TMEM43: variants seen among roughly 807,000 people sequenced by gnomAD.
TMEM43 encodes the protein transmembrane protein 43, also known as arrhythmogenic right ventricular dysplasia 5.
A neutral mutation model predicts 49.6 loss-of-function variants in TMEM43; 45 were observed. The ratio of observed to expected loss-of-function variants is 0.91; its 90% CI spans 0.71 to 1.16. The LOEUF (loss-of-function observed/expected upper bound fraction) is 1.16. Ranked by LOEUF, TMEM43 falls within the 50% of genes most tolerant of loss-of-function variation. The pLI, the probability that TMEM43 is intolerant of heterozygous loss-of-function variation, is 0.00. For missense variants in TMEM43, 532 were observed against 516.6 expected, an observed-to-expected ratio of 1.03 and a Z score of -0.29; for synonymous variants, 199 against 207.8, an observed-to-expected ratio of 0.96 and a Z score of 0.36.
chr3:14,131,702 G>A (rs1382190995), intron 4 of TMEM43, 28 bp downstream of exon 4: 1 of 1,553,358 alleles, frequency 6.4e-7, no homozygotes, highest in Non-Finnish European at 8.9e-7. Flanking sequence ...AAACTCTGTT[G>A]GGGTAAAGGA....
chr3:14,140,264 C>T (rs923655004), intron 11 of TMEM43, among the ~76,000 whole-genome samples: 2 of 152,146 alleles, frequency 1.3e-5, no homozygotes, highest in African/African-American at 4.8e-5. Context: ...TAAACGGAAT[C>T]CTCTTTCTTG....
At chr3:14,126,186 G>A (rs548885357) in intron 1 of TMEM43, among the ~76,000 whole-genome samples, 5 of 152,256 alleles carry the variant, frequency 3.3e-5, no homozygotes, top group African/African-American at 1.2e-4. Flanking sequence ...TTTGTCTCGG[G>A]TTAGTATCAT....
At chr3:14,131,377 G>A (rs1300174685) in intron 3 of TMEM43, among the ~76,000 whole-genome samples, 1 of 152,244 alleles carries the variant, frequency 6.6e-6, no homozygotes, top group Non-Finnish European at 1.5e-5. Flanking sequence ...TGTACTGTGA[G>A]GGTCACAGTC....
chr3:14,134,913 C>T (rs907418964), intron 8 of TMEM43, 22 bp downstream of exon 8: 5 of 1,613,986 alleles, frequency 3.1e-6, no homozygotes, highest in Non-Finnish European at 4.2e-6. Context: ...GGCCTGGGCT[C>T]TCCAAATAGG....
intron 1 of TMEM43, 143 bp from the exon 2 acceptor site, chr3:14,129,269 T>C (rs1695059845): frequency 1.6e-6 from 1 of 643,756 alleles, no homozygotes; most frequent in African/African-American, 2.1e-5. Flanking sequence ...AAACTGTACA[T>C]TGAATATCTG....
chr3:14,129,535 T>A lies in TMEM43; in HGVS notation c.136T>A (p.Ser46Thr), dbSNP rs145510310. The A allele has an allele frequency of 6.2e-7, 1 of 1,614,124 alleles. No homozygotes were observed. The highest frequency in any genetic ancestry group is 1.7e-5 in the Admixed American group (1 of 60,028). ...TGTGGGGCTCATGGCCTTCCTGCTC[T>A]CCTTCTACCTAATTTTCACCAATGA... ...MFVGLMAFLL[S>T]FYLIFTNEGR... The change falls in exon 2 of 12, where the codon TCC becomes ACC. Residue 46 changes from serine (S) to threonine (T), a missense_variant. By Grantham distance (58) the Ser-to-Thr change is moderately conservative. Transcript: ENST00000306077.
intron 7 of TMEM43, 81 bp from the exon 8 acceptor site, chr3:14,134,689 G>A: frequency 3.8e-6 from 6 of 1,596,158 alleles, no homozygotes; most frequent in Non-Finnish European, 5.1e-6. Context: ...GGGGTGCAGT[G>A]GAAGGGGGTC....
intron 4 of TMEM43, among the ~76,000 whole-genome samples, chr3:14,132,321 C>T (rs1695107226): frequency 6.6e-6 from 1 of 152,186 alleles, no homozygotes; most frequent in South Asian, 2.1e-4. Flanking sequence ...CAGATTTCAG[C>T]TCAGGATGGG....
At position 14,132,534 on chromosome 3, in the gene TMEM43, C is replaced by A; in HGVS notation, c.393-12C>A. On this transcript the variant is annotated splice_polypyrimidine_tract_variant and intron_variant, in intron 4 of 11. Coordinates refer to ENST00000306077, the MANE Select transcript of TMEM43 (RefSeq NM_024334.3). ...GAGGCTAACCCCCGTGGCTGCTTTGCTTTCCCTGCAGGGAGTACACCGAGG... is the reference window on the plus strand; with the variant it reads ...GAGGCTAACCCCCGTGGCTGCTTTGATTTCCCTGCAGGGAGTACACCGAGG... The A allele has an allele frequency of 6.2e-7, 1 of 1,614,160 alleles. No individual in the cohort carries two copies. The highest frequency in any genetic ancestry group is 8.5e-7 in the Non-Finnish European group (1 of 1,180,000).
intron 5 of TMEM43, 125 bp from the exon 6 acceptor site, chr3:14,132,741 C>A: frequency 2.2e-6 from 3 of 1,365,126 alleles, no homozygotes; most frequent in Non-Finnish European, 3.1e-6. Context: ...GCCCTGCTTT[C>A]CCACCCATCC....
At chr3:14,127,021 C>T (rs1268296286) in intron 1 of TMEM43, among the ~76,000 whole-genome samples, 2 of 152,146 alleles carry the variant, frequency 1.3e-5, no homozygotes, top group East Asian at 3.8e-4. Context: ...TGTCCATTTC[C>T]AGGGCCTATG....
chr3:14,134,656 G>C, intron 7 of TMEM43, 114 bp from the exon 8 acceptor site: 1 of 1,379,424 alleles, frequency 7.2e-7, no homozygotes, highest in Non-Finnish European at 1.0e-6. Context: ...CTGCAGGTGG[G>C]AGTGCCACGT....
At chr3:14,127,398 A>G (rs1185879306) in intron 1 of TMEM43, among the ~76,000 whole-genome samples, 1 of 152,084 alleles carries the variant, frequency 6.6e-6, no homozygotes, top group Non-Finnish European at 1.5e-5. Context: ...CAAGAGGAAG[A>G]CACGCCTTAT....
At position 14,142,894 on chromosome 3, in the gene TMEM43, G is replaced by A. The variant is rs1695271052; in HGVS notation, c.*1099G>A. The A allele has an allele frequency of 6.6e-6, 1 of 152,216 alleles. No individual in the cohort carries two copies. The highest frequency in any genetic ancestry group is 2.4e-5 in the African/African-American group (1 of 41,446). 9.4% of individuals were successfully genotyped at this position (152,216 alleles called of 1,614,324 possible). A position where few individuals can be genotyped will look rare whatever the true frequency, so the allele number is the denominator to read the frequency against. ...AAGGTTGGAAGCTTTATACTAAATG[G>A]GCTCCTTCATGGTGACGCCCCGTCA... On this transcript the variant is annotated 3_prime_UTR_variant, in exon 12 of 12. Coordinates refer to ENST00000306077, the MANE Select transcript of TMEM43 (RefSeq NM_024334.3).
intron 7 of TMEM43, 93 bp from the exon 8 acceptor site, chr3:14,134,677 C>G (rs1167950842): frequency 5.0e-5 from 78 of 1,561,748 alleles, no homozygotes; most frequent in Non-Finnish European, 6.4e-5. Flanking sequence ...GTGCAGGCTC[C>G]AGGGGTGCAG....
intron 8 of TMEM43, 93 bp from the exon 9 acceptor site, chr3:14,135,065 G>A: frequency 1.3e-6 from 2 of 1,484,258 alleles, no homozygotes; most frequent in South Asian, 1.1e-5. Flanking sequence ...GGAGGTGGGA[G>A]AAGAGCCTGA....
intron 1 of TMEM43, among the ~76,000 whole-genome samples, chr3:14,127,280 G>A (rs555281894): frequency 6.6e-6 from 1 of 152,220 alleles, no homozygotes; most frequent in South Asian, 2.1e-4. Flanking sequence ...TCATGTCACT[G>A]CCCACCTCAC....
chr3:14,134,844 C>A lies in TMEM43; in HGVS notation c.658C>A (p.Arg220Ser). 1.2e-6 allele frequency: 2 copies of A among 1,614,182 alleles called. No homozygotes were observed. Among genetic ancestry groups the A allele is most frequent in the Non-Finnish European group, 1.7e-6 (2 of 1,180,030 alleles). Residue 220 changes from arginine (R) to serine (S), a missense_variant, in exon 8 of 12, where the codon CGC (arginine) becomes AGC (serine). Physicochemically the swap from Arg to Ser is moderately radical, Grantham distance 110 (BLOSUM62 -1). Transcript: ENST00000306077. ...GGAGGACCCTCATGTGGACATCATT[C>A]GCCGTGGAGACTTTTTCTACCACAG... ...KLEDPHVDII[R>S]RGDFFYHSEN... is the part of the protein sequence containing the mutation.
Position 14,129,500 on chromosome 3 carries a change from G to A in TMEM43, c.101G>A (p.Gly34Asp). The A allele has an allele frequency of 6.2e-7, 1 of 1,614,100 alleles. No homozygotes were observed. Among genetic ancestry groups the A allele is most frequent in the Non-Finnish European group, 8.5e-7 (1 of 1,180,014 alleles). ...CTGGAACGGCTGAGCGAGACCTCGG[G>A]TGGGATGTTTGTGGGGCTCATGGCC... ...GFLERLSETS[G>D]GMFVGLMAFL... is the part of the protein sequence containing the mutation. The change falls in exon 2 of 12, where the codon GGT becomes GAT. Residue 34 changes from glycine (G) to aspartate (D), a missense_variant. By Grantham distance (94) the Gly-to-Asp change is moderately conservative (BLOSUM62 -1). Transcript: ENST00000306077.
Sources: gnomAD v4.1 joint callset for allele counts (sites outside exome capture counted in the v4.1 genomes callset) on GRCh38, gnomAD v4.1.1 for gene constraint, MANE v1.5 for transcripts, NCBI Gene and HGNC (gene_info 2026-07-23, HGNC 2026-07-21) for gene names.